Variants in PPFIA1 observed in about 807,000 individuals in gnomAD.
The protein encoded by PPFIA1 is PPFI scaffold protein A1.
Under a neutral mutation model 149.9 loss-of-function variants are expected in PPFIA1, and 25 were observed. The observed-to-expected ratio is 0.17, with a 90% CI of 0.12 to 0.23. The LOEUF (loss-of-function observed/expected upper bound fraction) is 0.23, where lower values mean the gene tolerates loss of function less well. Among genes scored for constraint, PPFIA1 ranks in the 10% least tolerant of loss-of-function variants. The probability of loss-of-function intolerance (pLI) is 1.00; values close to 1 mark genes in which losing one functional copy is unlikely to be tolerated. For synonymous variants in PPFIA1, 549 were observed against 552.8 expected, an observed-to-expected ratio of 0.99 and a Z score of 0.10; for missense variants, 1,362 against 1,506.5, an observed-to-expected ratio of 0.90 and a Z score of 1.59.
At chr11:70,342,276 CT>C (rs2055380705) in intron 14 of PPFIA1, 2 of 152,362 alleles carry the variant, frequency 1.3e-5, no homozygotes, top group South Asian at 4.1e-4. Flanking sequence ...GCAGGTGGGG[CT>C]GACCTCAGAG....
chr11:70,287,486 A>G (rs2051223093), intron 2 of PPFIA1, among the ~76,000 whole-genome samples: 1 of 149,518 alleles, frequency 6.7e-6, no homozygotes, highest in East Asian at 2.0e-4. Flanking sequence ...CAGTGGTTTG[A>G]CTTCAGCTAA....
intron 10 of PPFIA1, among the ~76,000 whole-genome samples, chr11:70,334,010 A>G (rs576701762): frequency 1.3e-5 from 2 of 152,290 alleles, no homozygotes; most frequent in South Asian, 2.1e-4. Flanking sequence ...TACTCCAAAC[A>G]TAATGGCGTG....
chr11:70,343,918 A>C, intron 15 of PPFIA1, 26 bp downstream of exon 15: 4 of 1,584,746 alleles, frequency 2.5e-6, no homozygotes, highest in Non-Finnish European at 3.4e-6. Context: ...CATGACACTC[A>C]CCACACGCAT....
rs1439315773 is a variant in PPFIA1, at chr11:70,333,493, T to A, written c.1236T>A (p.Ile412=). The change falls in exon 10 of 28, where the codon ATT becomes ATA. Residue 412 remains isoleucine, a synonymous_variant. Transcript: ENST00000253925. The stretch of plus-strand genomic sequence containing the variant: ...AGGCTGAAGAGAGACACGGCAACAT[T>A]GAAGAAAGGTTACGACAGATGGAAG... The part of the protein sequence containing the change: ...LSKAEERHGN[I]EERLRQMEAQ... 2.3e-5 allele frequency: 37 copies of A among 1,613,130 alleles called. No individual in the cohort carries two copies. Among genetic ancestry groups the A allele is most frequent in the Non-Finnish European group, 3.1e-5 (37 of 1,179,744 alleles).
At chr11:70,280,629 G>A (rs140040196) in intron 2 of PPFIA1, among the ~76,000 whole-genome samples, 1 of 152,308 alleles carries the variant, frequency 6.6e-6, no homozygotes, top group African/African-American at 2.4e-5. Context: ...AGTGGCGCGC[G>A]TGATCACTGT....
intron 2 of PPFIA1, among the ~76,000 whole-genome samples, chr11:70,318,083 A>G (rs78788118): frequency 0.029 from 4,382 of 151,936 alleles, 244 homozygotes; most frequent in African/African-American, 0.1. Context: ...AAACCACCCC[A>G]TTCAGTCCGT....
chr11:70,376,726 G>A, intron 25 of PPFIA1, 126 bp downstream of exon 25: 2 of 857,160 alleles, frequency 2.3e-6, no homozygotes, highest in Non-Finnish European at 3.9e-6. Flanking sequence ...CTCTCTGGAT[G>A]TTAGAAGTCA....
rs774499572 is a variant in PPFIA1 at position 70,324,828 on chromosome 11, T to C, written c.367-19T>C. 1 of 1,537,270 alleles carries C rather than the reference T, an allele frequency of 6.5e-7. No individual in the cohort carries two copies. Among genetic ancestry groups the C allele is most frequent in the South Asian group, 1.2e-5 (1 of 83,898 alleles). On this transcript the variant is annotated intron_variant, in intron 3 of 27. Coordinates refer to ENST00000253925, the MANE Select transcript of PPFIA1 (RefSeq NM_003626.5). ...AAAAATGCTGTTTAACAAGTCTTTA[T>C]TTTGGCCTTTTATTTCAGCTGCTGT...
chr11:70,362,158 G>A lies in PPFIA1; in HGVS notation c.2646G>A (p.Thr882=), dbSNP rs1218307221. ...GLPFAQWDGP[T]VVVWLELWVG... is the part of the protein sequence containing the mutation. The stretch of plus-strand genomic sequence containing the variant: ...CTTTTGCCCAATGGGACGGGCCAAC[G>A]GTTGTGGTCTGGCTAGAGGTACATC... Residue 882 remains threonine (T), a synonymous_variant, in exon 20 of 28, where the codon ACG becomes ACA. Transcript: ENST00000253925. 3.1e-6 allele frequency: 5 copies of A among 1,614,222 alleles called. No homozygotes were observed. Among genetic ancestry groups the A allele is most frequent in the Non-Finnish European group, 4.2e-6 (5 of 1,180,038 alleles).
chr11:70,342,585 G>A (rs1391801036), intron 14 of PPFIA1, among the ~76,000 whole-genome samples: 3 of 152,106 alleles, frequency 2.0e-5, no homozygotes, highest in South Asian at 4.1e-4. Context: ...CCTTTTCCTC[G>A]TTCGAGCTTG....
At chr11:70,381,987 C>T (rs2057731624) in intron 26 of PPFIA1, 101 bp from the exon 27 acceptor site, 1 of 1,001,866 alleles carries the variant, frequency 1.0e-6, no homozygotes, top group Admixed American at 2.0e-5. Flanking sequence ...GTAGGCACTG[C>T]TGTAGGTGTG....
chr11:70,378,510 C>A (rs565528639), intron 26 of PPFIA1: 1 of 1,025,806 alleles, frequency 9.7e-7, no homozygotes, highest in Non-Finnish European at 1.2e-6. Context: ...TGTGACAGGC[C>A]GTGCTAGAAA....
intron 2 of PPFIA1, among the ~76,000 whole-genome samples, chr11:70,302,505 G>T (rs181877730): frequency 1.6e-4 from 24 of 152,282 alleles, no homozygotes; most frequent in Admixed American, 1.4e-3. Flanking sequence ...TGGAGACAGG[G>T]CACTTGAGAC....
At chr11:70,288,039 G>A (rs2051265965) in intron 2 of PPFIA1, among the ~76,000 whole-genome samples, 1 of 150,396 alleles carries the variant, frequency 6.6e-6, no homozygotes, top group South Asian at 2.1e-4. Context: ...TCTCTCACTT[G>A]CTCTCCAGCC....
chr11:70,283,778 G>A (rs1372236974), intron 2 of PPFIA1, among the ~76,000 whole-genome samples: 2 of 150,472 alleles, frequency 1.3e-5, no homozygotes, highest in African/African-American at 2.5e-5. Flanking sequence ...GAAGGGGGAC[G>A]GGGGTGGGGG....
chr11:70,364,616 A>G (rs2135267962), intron 21 of PPFIA1: 1 of 152,234 alleles, frequency 6.6e-6, no homozygotes, highest in South Asian at 2.1e-4. Context: ...TATGGTGATG[A>G]ACAATAAGCT....
chr11:70,298,102 CAT>C lies in PPFIA1; in HGVS notation c.264+25669_264+25670del, dbSNP rs377322932. ...TTTCCTCTAGAAAGAAAAAAGAACACATATTGAATGAAAATCCAAATCAGATG... is the reference window on the plus strand; with the variant it reads ...TTTCCTCTAGAAAGAAAAAAGAACACATTGAATGAAAATCCAAATCAGATG... On this transcript the variant is annotated intron_variant, in intron 2 of 27. Transcript: ENST00000253925. 3.9e-3 allele frequency among the ~76,000 whole-genome samples: 592 copies of C among 152,346 alleles called. 8 individuals are homozygous for C. The highest frequency in any genetic ancestry group is 0.013 in the African/African-American group (558 of 41,562).
In PPFIA1 at chr11:70,338,394, T is replaced by G. The variant is rs770833301; in HGVS notation, c.1512T>G (p.Ile504Met). The G allele has an allele frequency of 1.2e-6, 2 of 1,613,194 alleles. No individual in the cohort carries two copies. Among genetic ancestry groups the G allele is most frequent in the Non-Finnish European group, 1.7e-6 (2 of 1,179,114 alleles). The part of the protein sequence containing the change: ...QHDKDQLVLN[I>M]EALRAELDHM... Reference sequence around the variant, plus strand: ...TGTAGGATCAGCTTGTCCTAAACATTGAAGCACTGAGGGCTGAACTAGACC... The same window carrying G: ...TGTAGGATCAGCTTGTCCTAAACATGGAAGCACTGAGGGCTGAACTAGACC... Residue 504 changes from isoleucine to methionine, a missense_variant, in exon 13 of 28, where the codon ATT (isoleucine) becomes ATG (methionine). Transcript: ENST00000253925.
chr11:70,270,747 G>T lies in PPFIA1; in HGVS notation c.-168G>T, dbSNP rs967281021. The T allele has an allele frequency of 6.6e-6, 1 of 150,458 alleles. No homozygotes were observed. Among genetic ancestry groups the T allele is most frequent in the African/African-American group, 2.4e-5 (1 of 41,162 alleles). The allele number at this position is 150,458 out of a possible 1,614,324, so 9.3% of individuals were successfully genotyped here. A position where few individuals can be genotyped will look rare whatever the true frequency, so the allele number is the denominator to read the frequency against. ...TCCTCCGCTCCGCCAGTGTCCGGCC[G>T]CGGGCCGGCCTTAGTGACTGGGGCG... On this transcript the variant is annotated 5_prime_UTR_variant, in exon 1 of 28. Coordinates refer to ENST00000253925, the MANE Select transcript of PPFIA1 (RefSeq NM_003626.5).
Sources: allele counts gnomAD v4.1 joint callset (sites outside exome capture counted in the v4.1 genomes callset), GRCh38; gene constraint gnomAD v4.1.1; transcripts MANE v1.5; gene names NCBI Gene and HGNC (gene_info 2026-07-23, HGNC 2026-07-21).